ELAVL2: variants seen among roughly 807,000 people sequenced by gnomAD.
ELAVL2 encodes ELAV like RNA binding protein 2.
Under a neutral mutation model 34.6 loss-of-function variants are expected in ELAVL2, and 4 were observed. The observed-to-expected ratio is 0.12, with a 90% CI of 0.06 to 0.26. The LOEUF (loss-of-function observed/expected upper bound fraction) is 0.26, where lower values mean the gene tolerates loss of function less well. Ranked by LOEUF, ELAVL2 falls within the 10% of genes least tolerant of loss-of-function variation. ELAVL2 has a pLI of 1.00. For synonymous variants in ELAVL2, 193 were observed against 154.8 expected (o/e 1.25, Z -1.83); for missense variants, 432 against 442.8 (o/e 0.98, Z 0.22).
chr9:23,777,342 T>C (rs1246627922), intron 1 of ELAVL2, among the ~76,000 whole-genome samples: 1 of 152,130 alleles, frequency 6.6e-6, no homozygotes, highest in Non-Finnish European at 1.5e-5. Context: ...AGAGTGTAGA[T>C]CTACTCAAAT....
intron 1 of ELAVL2, among the ~76,000 whole-genome samples, chr9:23,773,330 C>G (rs2057643606): frequency 6.6e-6 from 1 of 152,038 alleles, no homozygotes; most frequent in African/African-American, 2.4e-5. Context: ...TTCGAACAAC[C>G]CCCTAACAGA....
At chr9:23,711,976 T>A in intron 3 of ELAVL2, among the ~76,000 whole-genome samples, 1 of 152,120 alleles carries the variant, frequency 6.6e-6, no homozygotes, top group East Asian at 1.9e-4. Flanking sequence ...ACAATGAAAA[T>A]TCTATTAATC....
intron 1 of ELAVL2, among the ~76,000 whole-genome samples, chr9:23,765,729 A>G (rs2056094676): frequency 6.6e-6 from 1 of 152,214 alleles, no homozygotes; most frequent in African/African-American, 2.4e-5. Context: ...GAGGCAGTAA[A>G]CCAGCATCTT....
At chr9:23,696,065 T>G (rs2035084337) in intron 5 of ELAVL2, among the ~76,000 whole-genome samples, 1 of 152,186 alleles carries the variant, frequency 6.6e-6, no homozygotes, top group Non-Finnish European at 1.5e-5. Context: ...CACTGATTCC[T>G]TCACTTCTCT....
rs561825061 is a variant in ELAVL2 at position 23,797,657 on chromosome 9, G to T, written c.-16+28149C>A. On this transcript the variant is annotated intron_variant, in intron 1 of 6. Transcript: ENST00000397312. ...ATAAAAAGTATGGGATGCGGGCGTG[G>T]TGGCTTACGCCTGTAATCCCAGTAC... Among the ~76,000 whole-genome samples the T allele has an allele frequency of 1.4e-4, 21 of 152,368 alleles. No individual in the cohort carries two copies. In the South Asian group the frequency reaches 2.7e-3, roughly 20 times the overall value.
At chr9:23,822,948 G>A (rs536834900) in intron 1 of ELAVL2, among the ~76,000 whole-genome samples, 151 of 152,330 alleles carry the variant, frequency 9.9e-4, no homozygotes, top group African/African-American at 3.6e-3. Flanking sequence ...GAAGGGAGGG[G>A]ACTCGTCTAA....
intron 2 of ELAVL2, among the ~76,000 whole-genome samples, chr9:23,751,967 A>T (rs1313073120): frequency 6.6e-6 from 1 of 152,172 alleles, no homozygotes; most frequent in East Asian, 1.9e-4. Context: ...AAAATCAATT[A>T]TGTTGGTCAA....
intron 2 of ELAVL2, among the ~76,000 whole-genome samples, chr9:23,749,118 G>T (rs537112904): frequency 6.6e-6 from 1 of 152,050 alleles, no homozygotes; most frequent in African/African-American, 2.4e-5. Flanking sequence ...AACTTGAAAA[G>T]GTTCAAATGA....
chr9:23,781,483 T>A (rs944562894), intron 1 of ELAVL2, among the ~76,000 whole-genome samples: 1 of 151,722 alleles, frequency 6.6e-6, no homozygotes, highest in African/African-American at 2.4e-5. Context: ...TACAGCAGAA[T>A]AGCATATTTA....
intron 1 of ELAVL2, among the ~76,000 whole-genome samples, chr9:23,809,335 TG>T (rs886610755): frequency 1.3e-5 from 2 of 152,170 alleles, no homozygotes; most frequent in African/African-American, 4.8e-5. Flanking sequence ...GAGAACATGT[TG>T]GCATGAAGCT....
rs1488308993 is a variant in ELAVL2, at chr9:23,760,124, TG to T, written c.229+1881del. Among the ~76,000 whole-genome samples the T allele has an allele frequency of 5.9e-5, 9 of 152,068 alleles. No homozygotes were observed. In the East Asian group the frequency reaches 1.7e-3, roughly 29 times the overall value. ...TAAAGAACTCAAATTTATCCCATTT[TG>T]CCACATAACAGCTCTAAAGATTCAC... is the stretch of plus-strand genomic sequence containing the variant. On this transcript the variant is annotated intron_variant, in intron 2 of 6. Transcript: ENST00000397312.
At chr9:23,796,418 C>T (rs2060936639) in intron 1 of ELAVL2, among the ~76,000 whole-genome samples, 1 of 152,240 alleles carries the variant, frequency 6.6e-6, no homozygotes, top group South Asian at 2.1e-4. Context: ...AAAGGACTCT[C>T]ACCTACTCAA....
At position 23,762,118 on chromosome 9, in the gene ELAVL2, G is replaced by A. The variant is rs1185148614; in HGVS notation, c.117C>T (p.Thr39=). The change falls in exon 2 of 7, where the codon ACC becomes ACT. Residue 39 remains threonine (T), a synonymous_variant. Transcript: ENST00000397312. The part of the protein sequence containing the change: ...VDSGNTEDSK[T]NLIVNYLPQN... ...GAGGAAGGTAGTTGACTATTAAGTT[G>A]GTCTTGCTGTCTTCTGTGTTCCCAG... 2 of 1,613,436 alleles carry A rather than the reference G, an allele frequency of 1.2e-6. No individual in the cohort carries two copies. The highest frequency in any genetic ancestry group is 1.7e-6 in the Non-Finnish European group (2 of 1,179,624).
chr9:23,837,235 C>G, the ELAVL2 span, among the ~76,000 whole-genome samples: 680 of 152,264 alleles, frequency 4.5e-3, 8 homozygotes, highest in African/African-American at 0.016. Flanking sequence ...TGCTGCTCTG[C>G]GTAGCCCAGG....
At chr9:23,845,822 A>T in the ELAVL2 span, among the ~76,000 whole-genome samples, 5 of 151,908 alleles carry the variant, frequency 3.3e-5, no homozygotes, top group Non-Finnish European at 7.4e-5. Context: ...TTTTAAAAAA[A>T]AGATTTACAC....
At chr9:23,849,012 A>T in the ELAVL2 span, among the ~76,000 whole-genome samples, 1 of 151,812 alleles carries the variant, frequency 6.6e-6, no homozygotes, top group Non-Finnish European at 1.5e-5. Context: ...AAAAGTGCAA[A>T]ACAGGCCAAA....
chr9:23,800,345 A>G (rs1354916925), intron 1 of ELAVL2, among the ~76,000 whole-genome samples: 1 of 152,170 alleles, frequency 6.6e-6, no homozygotes, highest in Non-Finnish European at 1.5e-5. Context: ...TGTGTAACCC[A>G]GGGTATCTGC....
At chr9:23,712,039 C>T (rs967850556) in intron 3 of ELAVL2, among the ~76,000 whole-genome samples, 9 of 152,052 alleles carry the variant, frequency 5.9e-5, no homozygotes, top group Non-Finnish European at 1.0e-4. Flanking sequence ...TCCCCAGAGG[C>T]GACACAATCT....
At chr9:23,826,257 G>A (rs2065288475), upstream of ELAVL2, 1 of 152,334 alleles carries the variant, frequency 6.6e-6, no homozygotes, top group African/African-American at 2.4e-5. Context: ...GAGGTGGACT[G>A]GACCACAGAT....
Sources: allele counts gnomAD v4.1 joint callset (sites outside exome capture counted in the v4.1 genomes callset), GRCh38; gene constraint gnomAD v4.1.1; transcripts MANE v1.5; gene names NCBI Gene and HGNC (gene_info 2026-07-23, HGNC 2026-07-21).